The following ZMPSTE24 variants were observed in gnomAD, a reference collection of about 807,000 sequenced individuals.
The protein encoded by ZMPSTE24 is zinc metallopeptidase STE24, also known as CAAX prenyl protease 1 homolog.
Under a neutral mutation model 56.7 loss-of-function variants are expected in ZMPSTE24, and 48 were observed. That is an observed-to-expected ratio of 0.85 (90% CI 0.67 to 1.08). The LOEUF (loss-of-function observed/expected upper bound fraction) is 1.08. ZMPSTE24 is among the 50% of genes least tolerant of loss of function. The pLI is 0.00. For missense variants in ZMPSTE24, 503 were observed against 548.7 expected (o/e 0.92, Z 0.83); for synonymous variants, 172 against 195.2 (o/e 0.88, Z 0.99).
chr1:40,281,342 G>A lies in ZMPSTE24; in HGVS notation c.770-1G>A, dbSNP rs1643726797. ...CATGCTTTGAACTGTCTTTTCCTTA[G>A]GATCTAAACGCTCTTCCCACAGCAA... On this transcript the variant is annotated splice_acceptor_variant, in intron 6 of 9. Coordinates refer to ENST00000372759, the MANE Select transcript of ZMPSTE24 (RefSeq NM_005857.5). LOFTEE classifies it high-confidence loss of function. The A allele has an allele frequency of 6.2e-7, 1 of 1,613,586 alleles. No homozygotes were observed. The highest frequency in any genetic ancestry group is 8.5e-7 in the Non-Finnish European group (1 of 1,179,860).
At chr1:40,279,986 G>A (rs1039726277) in intron 6 of ZMPSTE24, among the ~76,000 whole-genome samples, 1 of 152,156 alleles carries the variant, frequency 6.6e-6, no homozygotes, top group Non-Finnish European at 1.5e-5. Flanking sequence ...TTCGTCTCAC[G>A]TCACAGTCTG....
Position 40,293,248 on chromosome 1 carries a change from C to G in ZMPSTE24, c.*579C>G, listed in dbSNP as rs1643861102. ...TTTAATTTCTTTCTTCCCTTTCTTG[C>G]TACACAGTGATCAAGAGTTTCTCAT... On this transcript the variant is annotated 3_prime_UTR_variant, in exon 10 of 10. Coordinates refer to ENST00000372759, the MANE Select transcript of ZMPSTE24 (RefSeq NM_005857.5). 6.5e-6 allele frequency: 1 copy of G among 152,684 alleles called. No homozygotes were observed. The highest frequency in any genetic ancestry group is 2.4e-5 in the African/African-American group (1 of 41,468). The allele number at this position is 152,684 out of a possible 1,614,324, so 9.5% of individuals were successfully genotyped here.
chr1:40,285,357 G>A (rs1320117038), intron 7 of ZMPSTE24, among the ~76,000 whole-genome samples: 5 of 151,922 alleles, frequency 3.3e-5, no homozygotes, highest in African/African-American at 1.2e-4. Flanking sequence ...CACCCACCTT[G>A]ACCTCTCAAA....
intron 3 of ZMPSTE24, 86 bp downstream of exon 3, chr1:40,267,958 C>A: frequency 4.1e-6 from 5 of 1,215,494 alleles, no homozygotes; most frequent in Non-Finnish European, 6.1e-6. Context: ...TGGCTTCTGC[C>A]AATGTTAAGA....
At chr1:40,265,684 A>G (rs1643541955) in intron 2 of ZMPSTE24, among the ~76,000 whole-genome samples, 1 of 152,194 alleles carries the variant, frequency 6.6e-6, no homozygotes, top group Non-Finnish European at 1.5e-5. Flanking sequence ...TGACAGAGTG[A>G]GACTCTGTCT....
At chr1:40,287,292 C>T (rs2124594432) in intron 8 of ZMPSTE24, among the ~76,000 whole-genome samples, 1 of 152,188 alleles carries the variant, frequency 6.6e-6, no homozygotes, top group East Asian at 2.0e-4. Flanking sequence ...TGGTCTTGAA[C>T]TCCTAAGCTC....
At chr1:40,263,669 A>G (rs1419068818) in intron 2 of ZMPSTE24, among the ~76,000 whole-genome samples, 4 of 150,906 alleles carry the variant, frequency 2.7e-5, no homozygotes, top group African/African-American at 9.8e-5. Flanking sequence ...TTTTGTGTTG[A>G]TTAGAATTAA....
rs1205861105 is a variant in ZMPSTE24 at position 40,273,516 on chromosome 1, T to TAAAAAAAAA, written c.769+1495_769+1503dup. Among the ~76,000 whole-genome samples the TAAAAAAAAA allele has an allele frequency of 9.5e-4, 10 of 10,582 alleles. 1 individual carries two copies. In the South Asian group the frequency reaches 0.015, roughly 15 times the overall value. 6.9% of individuals were successfully genotyped at this position (10,582 alleles called of 152,430 possible). A position where few individuals can be genotyped will look rare whatever the true frequency, so the allele number is the denominator to read the frequency against. On this transcript the variant is annotated intron_variant, in intron 6 of 9. Transcript: ENST00000372759. ...TGGGCAACAAGAGCCAAATTCTGTCTAAAAAAAAAAAAAAAAAAAAAATAT... is the reference window on the plus strand; with the variant it reads ...TGGGCAACAAGAGCCAAATTCTGTCTAAAAAAAAAAAAAAAAAAAAAAAAAAAAAAATAT...
Position 40,292,614 on chromosome 1 carries a change from C to G in ZMPSTE24, c.1373C>G (p.Ser458Cys). 2 of 1,614,110 alleles carry G rather than the reference C, an allele frequency of 1.2e-6. No individual in the cohort carries two copies. Among genetic ancestry groups the G allele is most frequent in the Non-Finnish European group, 1.7e-6 (2 of 1,180,008 alleles). ...SDWLFSMWHY[S>C]HPPLLERLQA... ...TGGTTGTTCTCAATGTGGCATTATT[C>G]TCATCCTCCACTGCTAGAGAGACTT... is the stretch of plus-strand genomic sequence containing the variant. The change falls in exon 10 of 10, where the codon TCT (serine) becomes TGT (cysteine). Residue 458 changes from serine to cysteine, a missense_variant. Transcript: ENST00000372759.
At chr1:40,279,301 T>G (rs1643703683) in intron 6 of ZMPSTE24, among the ~76,000 whole-genome samples, 1 of 152,232 alleles carries the variant, frequency 6.6e-6, no homozygotes, top group South Asian at 2.1e-4. Flanking sequence ...TGTTTCCTAA[T>G]AGGCATGGGC....
chr1:40,291,179 A>G (rs1643840125), intron 9 of ZMPSTE24, among the ~76,000 whole-genome samples, 182 bp downstream of exon 9: 1 of 152,238 alleles, frequency 6.6e-6, no homozygotes, highest in African/African-American at 2.4e-5. Flanking sequence ...AAGCCCAAAT[A>G]AATAAACGTT....
intron 7 of ZMPSTE24, among the ~76,000 whole-genome samples, chr1:40,281,827 GTA>G (rs1343033533): frequency 3.3e-5 from 5 of 151,000 alleles, no homozygotes; most frequent in East Asian, 1.9e-4. Flanking sequence ...ATATGTGTGT[GTA>G]TATATATATA....
chr1:40,284,391 A>G (rs1181552238), intron 7 of ZMPSTE24, among the ~76,000 whole-genome samples: 1 of 152,022 alleles, frequency 6.6e-6, no homozygotes, highest in African/African-American at 2.4e-5. Flanking sequence ...TTTGTGGATC[A>G]GATCTTCTGT....
chr1:40,287,872 C>T (rs1370161484), intron 8 of ZMPSTE24, among the ~76,000 whole-genome samples: 2 of 151,800 alleles, frequency 1.3e-5, no homozygotes, highest in East Asian at 3.9e-4. Context: ...AGTGGATTTT[C>T]AGACCTTTAA....
chr1:40,275,774 A>G (rs1029880305), intron 6 of ZMPSTE24, among the ~76,000 whole-genome samples: 2 of 150,120 alleles, frequency 1.3e-5, no homozygotes, highest in Non-Finnish European at 3.0e-5. Context: ...AAAAAAAAAA[A>G]CAACGTTTGA....
rs560479696 is a variant in ZMPSTE24, at chr1:40,272,462, G to A, written c.769+427G>A. Among the ~76,000 whole-genome samples the A allele has an allele frequency of 2.4e-3, 364 of 152,322 alleles. 3 individuals carry two copies. The highest frequency in any genetic ancestry group is 8.2e-3 in the African/African-American group (342 of 41,578). On this transcript the variant is annotated intron_variant, in intron 6 of 9. Transcript: ENST00000372759. ...TTGGAGGCTCTTAAACAAAGCCAGT[G>A]TTATTGGCCTTGTCTCCTCCAAGAA...
intron 7 of ZMPSTE24, among the ~76,000 whole-genome samples, chr1:40,282,887 G>A (rs549913388): frequency 1.3e-5 from 2 of 152,238 alleles, no homozygotes; most frequent in African/African-American, 4.8e-5. Flanking sequence ...CGGTGGGGCC[G>A]AGTCTCCCCT....
chr1:40,292,380 C>G, intron 9 of ZMPSTE24, 65 bp from the exon 10 acceptor site: 1 of 1,504,580 alleles, frequency 6.6e-7, no homozygotes, highest in South Asian at 1.1e-5. Context: ...AGTCTCAGCT[C>G]ATGGAACCTT....
At chr1:40,267,746 G>T (rs36215248) in intron 2 of ZMPSTE24, 40 bp from the exon 3 acceptor site, 953 of 1,392,428 alleles carry the variant, frequency 6.8e-4, no homozygotes, top group Non-Finnish European at 8.6e-4. Flanking sequence ...ATAGTTTCTA[G>T]TACTGTTCAA....
Sources: gnomAD v4.1 joint callset for allele counts (sites outside exome capture counted in the v4.1 genomes callset) on GRCh38, gnomAD v4.1.1 for gene constraint, MANE v1.5 for transcripts, NCBI Gene and HGNC (gene_info 2026-07-23, HGNC 2026-07-21) for gene names.